The following MTMR8 variants were observed in gnomAD, a reference collection of about 807,000 sequenced individuals.
MTMR8 encodes the protein myotubularin related protein 8.
A neutral mutation model predicts 39.3 loss-of-function variants in MTMR8; 65 were observed. The observed-to-expected ratio is 1.65, with a 90% CI of 1.35 to 2.03. The LOEUF is 2.03. Among genes scored for constraint, MTMR8 ranks in the 30% most tolerant of loss-of-function variants. The pLI is 0.00. For synonymous variants in MTMR8, 245 were observed against 185.2 expected (o/e 1.32, Z -2.62); for missense variants, 777 against 538.9 (o/e 1.44, Z -4.37).
intron 1 of MTMR8, among the ~76,000 whole-genome samples, chrX:64,383,560 G>T (rs1488330166): frequency 9.1e-6 from 1 of 109,844 alleles, no homozygotes; most frequent in Admixed American, 9.8e-5. Flanking sequence ...GAGGCCTCAG[G>T]AAACTCACAA....
chrX:64,293,875 C>CTTTCCTTTCCT (rs1358770539), intron 12 of MTMR8, among the ~76,000 whole-genome samples: 10 of 111,879 alleles, frequency 8.9e-5, no homozygotes, highest in Non-Finnish European at 1.5e-4. Flanking sequence ...ACCCCTGAGA[C>CTTTCCTTTCCT]TATCCCCTTT....
At chrX:64,294,485 T>A (rs1182621286) in intron 12 of MTMR8, among the ~76,000 whole-genome samples, 1 of 112,012 alleles carries the variant, frequency 8.9e-6, no homozygotes, top group Non-Finnish European at 1.9e-5. Context: ...CCTTACTAAA[T>A]CTTACCAAGA....
At chrX:64,287,333 G>T (rs1217170594) in intron 12 of MTMR8, among the ~76,000 whole-genome samples, 9 of 111,352 alleles carry the variant, frequency 8.1e-5, no homozygotes, top group Non-Finnish European at 1.7e-4. Flanking sequence ...ACAAATGGAA[G>T]AACATTCCAT....
intron 13 of MTMR8, among the ~76,000 whole-genome samples, chrX:64,269,509 C>T (rs1931709510): frequency 9.0e-6 from 1 of 111,243 alleles, no homozygotes; most frequent in South Asian, 3.8e-4. Flanking sequence ...AGATCTGACC[C>T]TGCATCTGCC....
rs1922936953 is a variant in MTMR8, at chrX:64,331,473, AT to A, written c.1352+83del. Reference sequence around the variant, plus strand: ...TATCTCCTCCCCTTTCTTGACTGCTATGCCAAATTCAGGGTGGTAGGTACAT... The same window carrying A: ...TATCTCCTCCCCTTTCTTGACTGCTAGCCAAATTCAGGGTGGTAGGTACAT... On this transcript the variant is annotated intron_variant, in intron 11 of 13. Transcript: ENST00000374852. The A allele has an allele frequency of 1.8e-5, 16 of 886,443 alleles. 1 individual carries two copies. In the South Asian group the frequency reaches 3.5e-4, roughly 20 times the overall value. The allele number at this position is 886,443 out of a possible 1,213,427, so 73.1% of individuals were successfully genotyped here. A position where few individuals can be genotyped will look rare whatever the true frequency, so the allele number is the denominator to read the frequency against.
At chrX:64,343,221 TATTATCA>T (rs1923262818) in intron 8 of MTMR8, among the ~76,000 whole-genome samples, 1 of 111,983 alleles carries the variant, frequency 8.9e-6, no homozygotes, top group African/African-American at 3.2e-5. Flanking sequence ...AGAGATCAAT[TATTATCA>T]ATTATCAATT....
At chrX:64,286,742 G>A (rs1239057081) in intron 12 of MTMR8, among the ~76,000 whole-genome samples, 1 of 111,391 alleles carries the variant, frequency 9.0e-6, no homozygotes, top group East Asian at 2.8e-4. Context: ...TGCAGAAAAG[G>A]CCTTTGACAA....
rs773889121 is a variant in MTMR8, at chrX:64,336,146, G to T, written c.1102-18C>A. ...ATCAAGATCTTCATTTTATAGAAAAGAAAGTGTTTGCATTAGGAAAATCAT... is the reference window on the plus strand; with the variant it reads ...ATCAAGATCTTCATTTTATAGAAAATAAAGTGTTTGCATTAGGAAAATCAT... On this transcript the variant is annotated intron_variant, in intron 9 of 13. Coordinates refer to ENST00000374852, the MANE Select transcript of MTMR8 (RefSeq NM_017677.4). The T allele has an allele frequency of 5.3e-6, 6 of 1,140,840 alleles. No homozygotes were observed. Among genetic ancestry groups the T allele is most frequent in the Non-Finnish European group, 7.1e-6 (6 of 843,460 alleles). 94.0% of individuals were successfully genotyped at this position (1,140,840 alleles called of 1,213,427 possible).
At chrX:64,340,222 A>G (rs1923179297) in intron 8 of MTMR8, among the ~76,000 whole-genome samples, 1 of 111,851 alleles carries the variant, frequency 8.9e-6, no homozygotes, top group Non-Finnish European at 1.9e-5. Context: ...AGTTAAAAGT[A>G]CAGAGGTTTC....
At position 64,345,170 on chromosome X, in the gene MTMR8, G is replaced by A. The variant is rs886095119; in HGVS notation, c.740C>T (p.Ala247Val). The A allele has an allele frequency of 2.5e-6, 3 of 1,210,079 alleles. No individual in the cohort carries two copies. The highest frequency in any genetic ancestry group is 3.4e-6 in the Non-Finnish European group (3 of 894,415). Residue 247 changes from alanine to valine, a missense_variant, in exon 7 of 14, where the codon GCC becomes GTC. Coordinates refer to ENST00000374852, the MANE Select transcript of MTMR8 (RefSeq NM_017677.4). ...YVVDTRPKLNAMANRAAGKGY... is the reference protein window; with the variant it reads ...YVVDTRPKLNVMANRAAGKGY... ...CTTCCCAGCTGCTCGGTTGGCCATG[G>A]CATTCAACTGCAATAGCAGAGGACA...
At chrX:64,288,987 T>A (rs1032793243) in intron 12 of MTMR8, among the ~76,000 whole-genome samples, 1 of 109,914 alleles carries the variant, frequency 9.1e-6, no homozygotes, top group Non-Finnish European at 1.9e-5. Flanking sequence ...CTGCATGTTG[T>A]GCACATGTAC....
At chrX:64,313,450 T>C (rs1922373822) in intron 12 of MTMR8, among the ~76,000 whole-genome samples, 1 of 112,812 alleles carries the variant, frequency 8.9e-6, no homozygotes, top group South Asian at 3.6e-4. Context: ...ACAATAGGAC[T>C]GTTTTGCTTT....
chrX:64,363,633 C>T (rs953549852), intron 1 of MTMR8, among the ~76,000 whole-genome samples: 12 of 111,562 alleles, frequency 1.1e-4, no homozygotes, highest in African/African-American at 2.9e-4. Flanking sequence ...CTAATATGGC[C>T]GAATAGGAAC....
chrX:64,286,984 A>G (rs1005052341), intron 12 of MTMR8, among the ~76,000 whole-genome samples: 1 of 111,441 alleles, frequency 9.0e-6, no homozygotes, highest in African/African-American at 3.3e-5. Flanking sequence ...AGAAGAAAGA[A>G]ATAAAGGGTA....
rs150682542 is a variant in MTMR8, at chrX:64,316,205, C to T, written c.1481+12567G>A. The stretch of plus-strand genomic sequence containing the variant: ...ATTTCTATTCTTTCCATTCTTCTTT[C>T]TTCTTTTCTGATGTTCCAAGATTCC... On this transcript the variant is annotated intron_variant, in intron 12 of 13. Coordinates refer to ENST00000374852, the MANE Select transcript of MTMR8 (RefSeq NM_017677.4). Among the ~76,000 whole-genome samples, 1,063 of 112,166 alleles carry T rather than the reference C, an allele frequency of 9.5e-3. 16 individuals carry two copies. Among genetic ancestry groups the T allele is most frequent in the African/African-American group, 0.031 (958 of 30,894 alleles).
intron 12 of MTMR8, among the ~76,000 whole-genome samples, chrX:64,319,621 T>A (rs1436568955): frequency 8.9e-6 from 1 of 112,034 alleles, no homozygotes; most frequent in East Asian, 2.8e-4. Flanking sequence ...TTTCTACATA[T>A]GGCTAGCCAG....
At chrX:64,344,545 T>C (rs1478977334) in intron 7 of MTMR8, among the ~76,000 whole-genome samples, 2 of 111,276 alleles carry the variant, frequency 1.8e-5, no homozygotes, top group Non-Finnish European at 3.8e-5. Flanking sequence ...CCTTGCCCCC[T>C]TTCTGACCCT....
Position 64,337,376 on chromosome X carries a change from C to T in MTMR8, c.993G>A (p.Lys331=), listed in dbSNP as rs563816981. 33 of 1,207,319 alleles carry T rather than the reference C, an allele frequency of 2.7e-5. No homozygotes were observed. In the South Asian group the frequency reaches 4.8e-4, roughly 18 times the overall value. ...IFITKAVKVE[K]ASVLVHCSDG... ...CAGAACAATGGACTAAGACACTGGCCTTTTCTACCTTCACTGCCTGTGAAG... is the reference window on the plus strand; with the variant it reads ...CAGAACAATGGACTAAGACACTGGCTTTTTCTACCTTCACTGCCTGTGAAG... Residue 331 remains lysine, a synonymous_variant, in exon 9 of 14, where the codon AAG becomes AAA. Coordinates refer to ENST00000374852, the MANE Select transcript of MTMR8 (RefSeq NM_017677.4).
intron 1 of MTMR8, among the ~76,000 whole-genome samples, chrX:64,385,673 G>A (rs181062944): frequency 1.7e-3 from 189 of 111,269 alleles, no homozygotes; most frequent in Non-Finnish European, 1.6e-3. Context: ...CAGAGCAAGA[G>A]CAAGGGTAGG....
Sources: allele counts gnomAD v4.1 joint callset (sites outside exome capture counted in the v4.1 genomes callset), GRCh38; gene constraint gnomAD v4.1.1; transcripts MANE v1.5; gene names NCBI Gene and HGNC (gene_info 2026-07-23, HGNC 2026-07-21).